CHD7: variants seen among roughly 807,000 people sequenced by gnomAD.
CHD7 encodes ATP-dependent chromatin remodeler CHD7.
CHD7 carries 24 observed loss-of-function variants against 307.3 expected under a neutral mutation model. That is an observed-to-expected ratio of 0.08 (90% CI 0.06 to 0.11). CHD7 has a LOEUF of 0.11. Ranked by LOEUF, CHD7 falls within the 10% of genes least tolerant of loss-of-function variation. The pLI, the probability that CHD7 is intolerant of heterozygous loss-of-function variation, is 1.00. For missense variants in CHD7, 3,106 were observed against 3,727.1 expected (o/e 0.83, Z 4.34); for synonymous variants, 1,363 against 1,349.9 (o/e 1.01, Z -0.21).
At chr8:60,708,381 T>A (rs148048280) in intron 1 of CHD7, among the ~76,000 whole-genome samples, 46 of 152,328 alleles carry the variant, frequency 3.0e-4, no homozygotes, top group African/African-American at 1.0e-3. Flanking sequence ...CTCCCCTCAT[T>A]GCCTCTCACA....
intron 2 of CHD7, among the ~76,000 whole-genome samples, chr8:60,754,330 A>G (rs1036855977): frequency 7.2e-5 from 11 of 152,256 alleles, no homozygotes; most frequent in Admixed American, 5.9e-4. Context: ...CAGTGATTGT[A>G]CCGATTATAC....
chr8:60,842,493 A>T (rs1042601308), intron 21 of CHD7, among the ~76,000 whole-genome samples: 5 of 152,216 alleles, frequency 3.3e-5, no homozygotes, highest in African/African-American at 1.2e-4. Context: ...TGAAACATGA[A>T]TGGTCATTTG....
intron 1 of CHD7, among the ~76,000 whole-genome samples, chr8:60,692,061 C>T (rs1433701563): frequency 1.3e-5 from 2 of 151,944 alleles, no homozygotes; most frequent in Non-Finnish European, 2.9e-5. Flanking sequence ...GTGGTTAGAC[C>T]AATATGTTAT....
intron 1 of CHD7, among the ~76,000 whole-genome samples, chr8:60,702,387 G>A (rs778285952): frequency 2.0e-5 from 3 of 151,980 alleles, no homozygotes; most frequent in Non-Finnish European, 2.9e-5. Context: ...TTTTACTTTG[G>A]TGTAAATATA....
chr8:60,821,755 T>G, intron 9 of CHD7, 35 bp from the exon 10 acceptor site: 1 of 1,545,146 alleles, frequency 6.5e-7, no homozygotes, highest in Non-Finnish European at 8.8e-7. Context: ...TGTGGTCAAA[T>G]GAATCCAATT....
intron 1 of CHD7, among the ~76,000 whole-genome samples, chr8:60,686,756 C>A (rs906672100): frequency 7.2e-5 from 11 of 151,970 alleles, no homozygotes; most frequent in African/African-American, 2.7e-4. Context: ...CTAGTATCCT[C>A]AGTGTAAAAC....
At position 60,866,386 on chromosome 8, in the gene CHD7, T is replaced by C. The variant is rs1339451597; in HGVS notation, c.*453T>C. 1 of 153,758 alleles carries C rather than the reference T, an allele frequency of 6.5e-6. No individual in the cohort carries two copies. The highest frequency in any genetic ancestry group is 2.4e-5 in the African/African-American group (1 of 41,450). The allele number at this position is 153,758 out of a possible 1,614,324, so 9.5% of individuals were successfully genotyped here. A position where few individuals can be genotyped will look rare whatever the true frequency, so the allele number is the denominator to read the frequency against. On this transcript the variant is annotated 3_prime_UTR_variant, in exon 38 of 38. Transcript: ENST00000423902. Reference sequence around the variant, plus strand: ...TTACCATACATATCATACTTGCTCATTTGTTTCCCTTTTTGACTGTATGGG... The same window carrying C: ...TTACCATACATATCATACTTGCTCACTTGTTTCCCTTTTTGACTGTATGGG...
chr8:60,793,921 AAGACC>A (rs1811890733), intron 3 of CHD7, among the ~76,000 whole-genome samples: 1 of 152,128 alleles, frequency 6.6e-6, no homozygotes, highest in South Asian at 2.1e-4. Context: ...TCAGGAGTTC[AAGACC>A]AGCATGACCA....
At chr8:60,704,561 G>C (rs1806925909) in intron 1 of CHD7, among the ~76,000 whole-genome samples, 1 of 151,638 alleles carries the variant, frequency 6.6e-6, no homozygotes, top group African/African-American at 2.4e-5. Flanking sequence ...CATGTGCATA[G>C]ATTGGAAGGC....
rs185463071 is a variant in CHD7 at position 60,813,159 on chromosome 8, G to C, written c.2499-3228G>C. Among the ~76,000 whole-genome samples, 631 of 152,090 alleles carry C rather than the reference G, an allele frequency of 4.1e-3. 5 individuals are homozygous for C. The highest frequency in any genetic ancestry group is 0.014 in the African/African-American group (576 of 41,484). Reference sequence around the variant, plus strand: ...TATTGCTAAGTATTTTATCTTTGTTGGTATTGTGAAAGAGGTTTTCTCTAA... The same window carrying C: ...TATTGCTAAGTATTTTATCTTTGTTCGTATTGTGAAAGAGGTTTTCTCTAA... On this transcript the variant is annotated intron_variant, in intron 7 of 37. Coordinates refer to ENST00000423902, the MANE Select transcript of CHD7 (RefSeq NM_017780.4).
intron 3 of CHD7, among the ~76,000 whole-genome samples, chr8:60,793,685 T>A (rs1811882719): frequency 6.6e-6 from 1 of 152,176 alleles, no homozygotes; most frequent in Admixed American, 6.5e-5. Flanking sequence ...ATAAATAAAA[T>A]TTTTGAAGGT....
chr8:60,794,877 T>G, intron 3 of CHD7, 109 bp from the exon 4 acceptor site: 1 of 1,010,584 alleles, frequency 9.9e-7, no homozygotes, highest in Non-Finnish European at 1.4e-6. Context: ...CCAATATGTA[T>G]GGATTTATCA....
At chr8:60,852,418 TG>T (rs1262553712) in intron 29 of CHD7, 79 bp from the exon 30 acceptor site, 8 of 1,412,982 alleles carry the variant, frequency 5.7e-6, no homozygotes, top group Non-Finnish European at 7.7e-6. Flanking sequence ...GTATAAAGTC[TG>T]GGGGGAAGAA....
intron 6 of CHD7, among the ~76,000 whole-genome samples, chr8:60,806,486 A>G (rs1321877963): frequency 6.6e-6 from 1 of 152,194 alleles, no homozygotes; most frequent in Non-Finnish European, 1.5e-5. Flanking sequence ...TGTTCCATTT[A>G]TGTTGCTGGT....
At chr8:60,746,999 GT>G (rs1247392261) in intron 2 of CHD7, among the ~76,000 whole-genome samples, 10 of 152,306 alleles carry the variant, frequency 6.6e-5, no homozygotes, top group Middle Eastern at 6.8e-3. Flanking sequence ...AAGAGTGTGT[GT>G]TAGCTATGTG....
At chr8:60,787,416 G>A (rs1490439189) in intron 3 of CHD7, among the ~76,000 whole-genome samples, 2 of 152,208 alleles carry the variant, frequency 1.3e-5, no homozygotes, top group East Asian at 3.8e-4. Flanking sequence ...GGAGTCAAAT[G>A]TGTGCCCTAT....
chr8:60,714,624 C>T lies in CHD7; in HGVS notation c.-174-26635C>T, dbSNP rs80181406. The stretch of plus-strand genomic sequence containing the variant: ...CCCCACTTCGCGGCCTGGTTCCGCC[C>T]TTTCTTGGCCTCAGGTGCTGCACAG... On this transcript the variant is annotated intron_variant, in intron 1 of 37. Transcript: ENST00000423902. Among the ~76,000 whole-genome samples, 954 of 152,320 alleles carry T rather than the reference C, an allele frequency of 6.3e-3. 11 individuals are homozygous for T. Among genetic ancestry groups the T allele is most frequent in the East Asian group, 0.015 (76 of 5,178 alleles).
At position 60,695,514 on chromosome 8, in the gene CHD7, C is replaced by T. The variant is rs1490494263; in HGVS notation, c.-175+16432C>T. ...AATTGAAGTTTATCATCTTAGCATA[C>T]TTGACCTTTCTTTTGGAGGTGTGTG... On this transcript the variant is annotated intron_variant, in intron 1 of 37. Transcript: ENST00000423902. Among the ~76,000 whole-genome samples the T allele has an allele frequency of 3.3e-5, 5 of 152,310 alleles. No homozygotes were observed. The East Asian group carries it at 7.7e-4, about 24-fold the overall frequency.
chr8:60,842,764 A>G (rs534927529), intron 21 of CHD7, among the ~76,000 whole-genome samples: 1 of 152,338 alleles, frequency 6.6e-6, no homozygotes, highest in Admixed American at 6.5e-5. Flanking sequence ...ATTTCTTCCA[A>G]TGAATTACCA....
Sources: gnomAD v4.1 joint callset for allele counts (sites outside exome capture counted in the v4.1 genomes callset) on GRCh38, gnomAD v4.1.1 for gene constraint, MANE v1.5 for transcripts, NCBI Gene and HGNC (gene_info 2026-07-23, HGNC 2026-07-21) for gene names.